The following PARD3B variants were observed in gnomAD, a reference collection of about 807,000 sequenced individuals.
The protein encoded by PARD3B is par-3 family cell polarity regulator beta, also known as partitioning defective 3 homolog B.
PARD3B carries 103 observed loss-of-function variants against 130.2 expected under a neutral mutation model. That is an observed-to-expected ratio of 0.79 (90% CI 0.67 to 0.93). The LOEUF is 0.93. Among genes scored for constraint, PARD3B ranks in the 40% least tolerant of loss-of-function variants. PARD3B has a pLI of 0.00. For synonymous variants in PARD3B, 583 were observed against 553.2 expected, an observed-to-expected ratio of 1.05 and a Z score of -0.76; for missense variants, 1,609 against 1,499.2, an observed-to-expected ratio of 1.07 and a Z score of -1.21.
intron 3 of PARD3B, among the ~76,000 whole-genome samples, chr2:205,035,829 C>CTATATA (rs58188573): frequency 2.8e-3 from 52 of 18,618 alleles, no homozygotes; most frequent in African/African-American, 8.3e-3. Context: ...ATCTATATAT[C>CTATATA]TATATATATA....
At chr2:205,373,280 C>A (rs553209168) in intron 18 of PARD3B, among the ~76,000 whole-genome samples, 3 of 152,302 alleles carry the variant, frequency 2.0e-5, no homozygotes, top group Admixed American at 6.5e-5. Flanking sequence ...CTAGTGAGAA[C>A]ACCAGCTCTC....
At chr2:205,243,469 A>T (rs933021957) in intron 15 of PARD3B, among the ~76,000 whole-genome samples, 1 of 152,232 alleles carries the variant, frequency 6.6e-6, no homozygotes, top group Non-Finnish European at 1.5e-5. Context: ...ATTCCAATTC[A>T]GAAAGATTAT....
intron 10 of PARD3B, among the ~76,000 whole-genome samples, chr2:205,157,516 G>T (rs188985626): frequency 6.6e-5 from 10 of 152,110 alleles, no homozygotes; most frequent in Non-Finnish European, 1.0e-4. Context: ...TGAAAATGCC[G>T]CGTCAATGGA....
At chr2:205,454,656 G>A (rs1038523865) in intron 20 of PARD3B, among the ~76,000 whole-genome samples, 5 of 152,064 alleles carry the variant, frequency 3.3e-5, no homozygotes, top group Non-Finnish European at 2.9e-5. Flanking sequence ...CACTAAGAAG[G>A]ATATTCTCTT....
At chr2:205,141,073 C>A (rs1314503111) in intron 10 of PARD3B, among the ~76,000 whole-genome samples, 7 of 152,094 alleles carry the variant, frequency 4.6e-5, no homozygotes, top group Admixed American at 4.6e-4. Flanking sequence ...AATAATTGGT[C>A]AGGTGTCTCT....
At chr2:204,990,756 T>G (rs753322535) in intron 3 of PARD3B, among the ~76,000 whole-genome samples, 33 of 152,276 alleles carry the variant, frequency 2.2e-4, no homozygotes, top group Admixed American at 1.2e-3. Flanking sequence ...TTTTTATGTT[T>G]GAATATTTTG....
Position 205,125,751 on chromosome 2 carries a change from C to T in PARD3B, c.1434+14C>T. The stretch of plus-strand genomic sequence containing the variant: ...CCCCGAGAGTTGGTAATGTTCAGAT[C>T]TCAGTCTCACTGAATTTTTAATGCC... On this transcript the variant is annotated intron_variant, in intron 10 of 22. Transcript: ENST00000406610. This position sits in a 1 kb window ranked among gnomAD's most constrained non-coding sequence, Gnocchi z 4.0. The T allele has an allele frequency of 1.9e-6, 3 of 1,613,058 alleles. No homozygotes were observed. Among genetic ancestry groups the T allele is most frequent in the Non-Finnish European group, 2.5e-6 (3 of 1,179,510 alleles).
At chr2:205,002,038 A>T (rs1694879577) in intron 3 of PARD3B, among the ~76,000 whole-genome samples, 1 of 152,198 alleles carries the variant, frequency 6.6e-6, no homozygotes, top group Admixed American at 6.5e-5. Context: ...TATTTACTCC[A>T]TTCCCTAATA....
intron 3 of PARD3B, among the ~76,000 whole-genome samples, chr2:205,005,817 C>A (rs896531616): frequency 5.3e-5 from 8 of 152,038 alleles, no homozygotes; most frequent in African/African-American, 1.7e-4. Flanking sequence ...AAATTATTGT[C>A]TTTTATTACA....
intron 11 of PARD3B, among the ~76,000 whole-genome samples, chr2:205,161,755 G>A (rs1250724253): frequency 6.6e-6 from 1 of 152,146 alleles, no homozygotes; most frequent in Non-Finnish European, 1.5e-5. Flanking sequence ...TTTTTACCCG[G>A]AATCAACAAA....
At chr2:205,090,790 C>T (rs1272787988) in intron 4 of PARD3B, among the ~76,000 whole-genome samples, 10 of 152,108 alleles carry the variant, frequency 6.6e-5, no homozygotes, top group Admixed American at 4.6e-4. Flanking sequence ...TGGAGAGAGA[C>T]GGGCAGTGAT....
At chr2:205,076,974 A>G (rs970610927) in intron 4 of PARD3B, among the ~76,000 whole-genome samples, 1 of 152,310 alleles carries the variant, frequency 6.6e-6, no homozygotes, top group Non-Finnish European at 1.5e-5. Flanking sequence ...TCATTTTGGA[A>G]GCACCATCCA....
chr2:204,836,961 A>G (rs1164382175), intron 2 of PARD3B, among the ~76,000 whole-genome samples: 1 of 152,210 alleles, frequency 6.6e-6, no homozygotes, highest in Non-Finnish European at 1.5e-5. Context: ...TTACAAATGC[A>G]AAAACATTAT....
intron 2 of PARD3B, among the ~76,000 whole-genome samples, chr2:204,783,375 T>C (rs2041906572): frequency 1.3e-5 from 2 of 152,086 alleles, no homozygotes; most frequent in South Asian, 4.1e-4. Flanking sequence ...GAGAGAGAGA[T>C]CTTTAAAGTC....
At chr2:205,506,843 T>G (rs1264135444) in intron 21 of PARD3B, among the ~76,000 whole-genome samples, 2 of 152,228 alleles carry the variant, frequency 1.3e-5, no homozygotes, top group African/African-American at 4.8e-5. Context: ...TAAATCAAAC[T>G]GACCTGATTC....
At chr2:205,462,994 T>TTG (rs898142222) in intron 20 of PARD3B, among the ~76,000 whole-genome samples, 1 of 152,158 alleles carries the variant, frequency 6.6e-6, no homozygotes, top group Non-Finnish European at 1.5e-5. Flanking sequence ...ACCTGTAAAA[T>TTG]TGTGAGTTCC....
At chr2:205,226,309 G>C (rs549035898) in intron 15 of PARD3B, among the ~76,000 whole-genome samples, 31 of 152,144 alleles carry the variant, frequency 2.0e-4, no homozygotes, top group Non-Finnish European at 4.4e-4. Context: ...CCAAGTTCTG[G>C]GATCACAGGC....
intron 20 of PARD3B, among the ~76,000 whole-genome samples, chr2:205,441,852 ATAATAT>A (rs1350121217): frequency 6.6e-6 from 1 of 152,212 alleles, no homozygotes; most frequent in Non-Finnish European, 1.5e-5. Context: ...ATCCAGGTTG[ATAATAT>A]TAAAGAAAGA....
At chr2:205,073,657 A>G (rs1700873654) in intron 4 of PARD3B, among the ~76,000 whole-genome samples, 2 of 152,048 alleles carry the variant, frequency 1.3e-5, no homozygotes, top group African/African-American at 4.8e-5. Flanking sequence ...AGACCTGATT[A>G]TGTTTCTTTG....
Sources: gnomAD v4.1 joint callset for allele counts (sites outside exome capture counted in the v4.1 genomes callset) on GRCh38, gnomAD v4.1.1 for gene constraint, Gnocchi (gnomAD v3.1) non-coding constraint, MANE v1.5 for transcripts, NCBI Gene and HGNC (gene_info 2026-07-23, HGNC 2026-07-21) for gene names.